Variants in UNC5C observed in about 807,000 individuals in gnomAD.
UNC5C encodes netrin receptor UNC5C.
In UNC5C, 47 loss-of-function variants were observed where a neutral mutation model predicts 99.8. The observed-to-expected ratio is 0.47, with a 90% CI of 0.37 to 0.60. The LOEUF is 0.60. UNC5C is among the 20% of genes least tolerant of loss of function. The pLI is 0.00. For missense variants in UNC5C, 1,062 were observed against 1,165.9 expected (o/e 0.91, Z 1.30); for synonymous variants, 487 against 452.2 (o/e 1.08, Z -0.98).
At chr4:95,490,793 T>A (rs1721460629) in intron 1 of UNC5C, among the ~76,000 whole-genome samples, 1 of 151,800 alleles carries the variant, frequency 6.6e-6, no homozygotes, top group Non-Finnish European at 1.5e-5. Flanking sequence ...TTAAAAGGTA[T>A]AATATGCTGT....
intron 1 of UNC5C, among the ~76,000 whole-genome samples, chr4:95,518,607 T>C (rs550058536): frequency 6.6e-6 from 1 of 152,198 alleles, no homozygotes. Context: ...AAGAGACTTA[T>C]ACATAATTTT....
At chr4:95,349,848 T>C (rs1743922667) in intron 1 of UNC5C, among the ~76,000 whole-genome samples, 1 of 152,142 alleles carries the variant, frequency 6.6e-6, no homozygotes, top group Non-Finnish European at 1.5e-5. Context: ...CTGTGACCTC[T>C]GACTTTAAAC....
chr4:95,215,653 A>G lies in UNC5C; in HGVS notation c.1733+471T>C, dbSNP rs145983826. ...GAAGGAAATTAGTAATACTTAAGCT[A>G]GAAGACAGTCACAAAAGGAAGAATC... On this transcript the variant is annotated intron_variant, in intron 10 of 15. Transcript: ENST00000453304. Among the ~76,000 whole-genome samples, 192 of 152,308 alleles carry G rather than the reference A, an allele frequency of 1.3e-3. 1 individual carries two copies. The highest frequency in any genetic ancestry group is 4.2e-3 in the African/African-American group (176 of 41,576).
chr4:95,478,834 A>C (rs1578185450), intron 1 of UNC5C, among the ~76,000 whole-genome samples: 1 of 150,788 alleles, frequency 6.6e-6, no homozygotes, highest in Admixed American at 6.6e-5. Context: ...GGGTCATGGG[A>C]GTGGATCTCT....
At chr4:95,303,150 G>C (rs1741936293) in intron 2 of UNC5C, among the ~76,000 whole-genome samples, 1 of 152,062 alleles carries the variant, frequency 6.6e-6, no homozygotes, top group Non-Finnish European at 1.5e-5. Context: ...GACAAGAAAG[G>C]GTCTAGTTTA....
chr4:95,195,545 TAGA>T (rs1324563008), intron 12 of UNC5C, among the ~76,000 whole-genome samples: 1 of 152,118 alleles, frequency 6.6e-6, no homozygotes, highest in Non-Finnish European at 1.5e-5. Context: ...TTAGAAGACC[TAGA>T]AGAAGCAAGC....
At chr4:95,521,298 A>C (rs1478412077) in intron 1 of UNC5C, among the ~76,000 whole-genome samples, 2 of 147,026 alleles carry the variant, frequency 1.4e-5, no homozygotes, top group African/African-American at 5.0e-5. Flanking sequence ...AGCTCACTGC[A>C]ACCTCTGCCT....
intron 3 of UNC5C, among the ~76,000 whole-genome samples, chr4:95,282,805 T>C (rs1741107470): frequency 1.3e-5 from 2 of 152,152 alleles, no homozygotes; most frequent in South Asian, 2.1e-4. Flanking sequence ...CAAGGTAGGT[T>C]AGATAAATTT....
At chr4:95,475,074 A>T (rs1333072890) in intron 1 of UNC5C, among the ~76,000 whole-genome samples, 1 of 152,090 alleles carries the variant, frequency 6.6e-6, no homozygotes, top group East Asian at 1.9e-4. Context: ...ATGTAGTCTA[A>T]CAAGCAGCTC....
At chr4:95,419,650 A>G (rs1746262795) in intron 1 of UNC5C, among the ~76,000 whole-genome samples, 1 of 152,216 alleles carries the variant, frequency 6.6e-6, no homozygotes. Flanking sequence ...TACATAAACC[A>G]GAAATGCTGC....
At chr4:95,293,295 CTTTTTTTT>C (rs1175837199) in intron 3 of UNC5C, among the ~76,000 whole-genome samples, 1 of 56,880 alleles carries the variant, frequency 1.8e-5, no homozygotes, top group African/African-American at 7.4e-5. Context: ...TAATAGTGAG[CTTTTTTTT>C]TTTTTTTTTT....
intron 7 of UNC5C, among the ~76,000 whole-genome samples, chr4:95,222,002 T>C (rs1316425835): frequency 6.6e-6 from 1 of 152,196 alleles, no homozygotes; most frequent in Non-Finnish European, 1.5e-5. Context: ...CTTTGAATGG[T>C]AGACTGATAG....
chr4:95,329,143 TAGTC>T (rs1482330603), intron 2 of UNC5C, among the ~76,000 whole-genome samples: 1 of 151,792 alleles, frequency 6.6e-6, no homozygotes, highest in Non-Finnish European at 1.5e-5. Flanking sequence ...AATGAAAAAT[TAGTC>T]AGGCATGGTG....
intron 1 of UNC5C, among the ~76,000 whole-genome samples, chr4:95,382,564 A>T (rs1233928423): frequency 6.6e-6 from 1 of 152,120 alleles, no homozygotes; most frequent in Non-Finnish European, 1.5e-5. Flanking sequence ...AATCATGCTT[A>T]TATTAATATA....
intron 1 of UNC5C, among the ~76,000 whole-genome samples, chr4:95,546,614 A>C (rs957104061): frequency 9.9e-5 from 15 of 152,230 alleles, no homozygotes; most frequent in African/African-American, 3.1e-4. Context: ...AGTGAAATGC[A>C]TACACCCAAC....
chr4:95,237,047 T>C (rs983809648), intron 7 of UNC5C, among the ~76,000 whole-genome samples: 4 of 152,224 alleles, frequency 2.6e-5, no homozygotes, highest in Non-Finnish European at 5.9e-5. Context: ...ATGTATACTT[T>C]AAACCATCTC....
intron 1 of UNC5C, among the ~76,000 whole-genome samples, chr4:95,505,444 T>C (rs17024093): frequency 0.088 from 13,382 of 152,122 alleles, 1,517 homozygotes; most frequent in African/African-American, 0.26. Context: ...ATGATTCAGC[T>C]TTAGAAATGG....
At chr4:95,362,116 C>T (rs1744413083) in intron 1 of UNC5C, among the ~76,000 whole-genome samples, 2 of 152,056 alleles carry the variant, frequency 1.3e-5, no homozygotes, top group African/African-American at 4.8e-5. Context: ...GTTTCAACAC[C>T]TGTTAAATGA....
At chr4:95,181,519 T>A (rs1333729584) in intron 14 of UNC5C, among the ~76,000 whole-genome samples, 1 of 152,036 alleles carries the variant, frequency 6.6e-6, no homozygotes, top group Non-Finnish European at 1.5e-5. Flanking sequence ...TCACTGGAGC[T>A]GGGTGGTTAT....
Sources: allele counts gnomAD v4.1 joint callset (sites outside exome capture counted in the v4.1 genomes callset), GRCh38; gene constraint gnomAD v4.1.1; transcripts MANE v1.5; gene names NCBI Gene and HGNC (gene_info 2026-07-23, HGNC 2026-07-21).